The following NPHS2 variants were observed in gnomAD, a reference collection of about 807,000 sequenced individuals.
The protein encoded by NPHS2 is podocin.
In NPHS2, 36 loss-of-function variants were observed where a neutral mutation model predicts 37.1. The ratio of observed to expected loss-of-function variants is 0.97; its 90% CI spans 0.74 to 1.28. The LOEUF is 1.28. Ranked by LOEUF, NPHS2 falls within the 50% of genes most tolerant of loss-of-function variation. The probability of loss-of-function intolerance (pLI) is 0.00; values close to 1 mark genes in which losing one functional copy is unlikely to be tolerated. For synonymous variants in NPHS2, 196 were observed against 189.3 expected, an observed-to-expected ratio of 1.04 and a Z score of -0.29; for missense variants, 447 against 488.1, an observed-to-expected ratio of 0.92 and a Z score of 0.79.
rs1673931037 is a variant in NPHS2 at position 179,556,426 on chromosome 1, G to A, written c.738+601C>T. Among the ~76,000 whole-genome samples, 1 of 152,166 alleles carries A rather than the reference G, an allele frequency of 6.6e-6. No individual in the cohort carries two copies. On this transcript the variant is annotated intron_variant, in intron 5 of 7. Coordinates refer to ENST00000367615, the MANE Select transcript of NPHS2 (RefSeq NM_014625.4). This position sits in a 1 kb window ranked among gnomAD's most constrained non-coding sequence, Gnocchi z 4.1. ...TGCCTTGGTAAGAATCAAAGCCACC[G>A]ACCCTGGCCGTGAATGAGCTTGCTG...
intron 1 of NPHS2, among the ~76,000 whole-genome samples, chr1:179,569,692 T>C (rs1014535215): frequency 6.6e-6 from 1 of 152,216 alleles, no homozygotes; most frequent in Non-Finnish European, 1.5e-5. Flanking sequence ...GTTGTTTCTT[T>C]CCATGTTTAG....
At chr1:179,575,377 A>G (rs1358795726) in intron 1 of NPHS2, among the ~76,000 whole-genome samples, 1 of 152,072 alleles carries the variant, frequency 6.6e-6, no homozygotes, top group Non-Finnish European at 1.5e-5. Flanking sequence ...CCCCGAGACC[A>G]GTATATAGTG....
chr1:179,575,478 C>A, intron 1 of NPHS2, 113 bp downstream of exon 1: 1 of 1,435,388 alleles, frequency 7.0e-7, no homozygotes, highest in Non-Finnish European at 9.6e-7. Flanking sequence ...ACCTGAGCAT[C>A]CAGCAATCTG....
intron 5 of NPHS2, 64 bp from the exon 6 acceptor site, chr1:179,554,595 C>G (rs1243523076): frequency 5.6e-6 from 9 of 1,606,552 alleles, no homozygotes; most frequent in Non-Finnish European, 6.8e-6. Context: ...ATGCCTAAAC[C>G]CTGGTGGCCA....
chr1:179,568,227 C>T (rs1178568200), intron 1 of NPHS2, among the ~76,000 whole-genome samples: 2 of 152,178 alleles, frequency 1.3e-5, no homozygotes, highest in Admixed American at 6.5e-5. Context: ...GCCTCAATTT[C>T]AGAGCCTGTT....
intron 1 of NPHS2, among the ~76,000 whole-genome samples, chr1:179,567,053 T>C (rs1674361774): frequency 6.6e-6 from 1 of 152,200 alleles, no homozygotes; most frequent in Non-Finnish European, 1.5e-5. Flanking sequence ...TGTGGGCTCT[T>C]TTTTTGGTTC....
rs1334989339 is a variant in NPHS2 at position 179,575,675 on chromosome 1, C to T, written c.190G>A (p.Val64Met). 6.2e-7 allele frequency: 1 copy of T among 1,601,280 alleles called. No homozygotes were observed. ...CCTCGGACCTCATCCACGTCCACCA[C>T]CGTGGCGGCGGGCGCTCGGGGCTCC... ...PGEPRAPAAT[V>M]VDVDEVRGSG... The change falls in exon 1 of 8, where the codon GTG becomes ATG. Residue 64 changes from valine to methionine, a missense_variant. Transcript: ENST00000367615.
At chr1:179,554,863 T>G (rs2125781601) in intron 5 of NPHS2, 1 of 357,974 alleles carries the variant, frequency 2.8e-6, no homozygotes, top group African/African-American at 2.0e-5. Context: ...GATGGGGATA[T>G]TATCCTGGAT....
intron 1 of NPHS2, among the ~76,000 whole-genome samples, chr1:179,568,434 T>C (rs1674419360): frequency 6.6e-6 from 1 of 152,208 alleles, no homozygotes; most frequent in African/African-American, 2.4e-5. Context: ...TCTATTTGAA[T>C]CTACTCTCTT....
chr1:179,552,674 C>T lies in NPHS2; in HGVS notation c.802G>A (p.Val268Met), dbSNP rs1673475731. ...TGCTGAAGCCCAGCTGGCAACCTCA[C>T]ATCTTTACTGAAAAAGAAAGAATGC... ...IKVERIEIKD[V>M]RLPAGLQHSL... The change falls in exon 7 of 8, where the codon GTG becomes ATG. Residue 268 changes from valine to methionine, a missense_variant. Val to Met is a conservative substitution (Grantham distance 21). Coordinates refer to ENST00000367615, the MANE Select transcript of NPHS2 (RefSeq NM_014625.4). The T allele has an allele frequency of 1.9e-6, 3 of 1,613,802 alleles. No homozygotes were observed. The highest frequency in any genetic ancestry group is 2.5e-6 in the Non-Finnish European group (3 of 1,179,776).
intron 6 of NPHS2, among the ~76,000 whole-genome samples, 194 bp from the exon 7 acceptor site, chr1:179,552,875 T>A (rs1673524960): frequency 6.6e-6 from 1 of 152,212 alleles, no homozygotes; most frequent in South Asian, 2.1e-4. Context: ...AAATGCAGTT[T>A]TGTATTATTG....
At position 179,551,094 on chromosome 1, in the gene NPHS2, A is replaced by AT; in HGVS notation, c.*78dup. 1.9e-6 allele frequency: 3 copies of AT among 1,574,510 alleles called. No homozygotes were observed. The highest frequency in any genetic ancestry group is 1.7e-5 in the Admixed American group (1 of 59,794). On this transcript the variant is annotated 3_prime_UTR_variant, in exon 8 of 8. Transcript: ENST00000367615. ...ATGGCAACCAAAGGAAGGGCAGGGA[A>AT]TGAGGACAGAGTGTCTCCCTCAGGC...
In NPHS2 at chr1:179,557,102, A is replaced by T. The variant is rs1410757200; in HGVS notation, c.663T>A (p.Thr221=). The change falls in exon 5 of 8, where the codon ACT becomes ACA. Residue 221 remains threonine, a synonymous_variant. Coordinates refer to ENST00000367615, the MANE Select transcript of NPHS2 (RefSeq NM_014625.4). ...ATCGATGTGCTAGGAGACGCTTCAT[A>T]GTGGTTTGCACAAGGAATTGCACAG... ...SKAVQFLVQT[T]MKRLLAHRSL... is the part of the protein sequence containing the mutation. The T allele has an allele frequency of 3.7e-6, 6 of 1,614,004 alleles. No individual in the cohort carries two copies. In the African/African-American group the frequency reaches 8.0e-5, roughly 22 times the overall value.
chr1:179,575,227 C>T (rs1674710393), intron 1 of NPHS2, among the ~76,000 whole-genome samples: 2 of 152,162 alleles, frequency 1.3e-5, no homozygotes, highest in Non-Finnish European at 2.9e-5. Context: ...CCTACAGCCA[C>T]CAGCTCGTGC....
chr1:179,564,877 A>T, intron 1 of NPHS2, 84 bp from the exon 2 acceptor site: 1 of 1,127,298 alleles, frequency 8.9e-7, no homozygotes, highest in South Asian at 1.3e-5. Context: ...AATTCTTGGT[A>T]TTGGAGTTGG....
At chr1:179,567,965 T>C (rs945297999) in intron 1 of NPHS2, among the ~76,000 whole-genome samples, 1 of 152,230 alleles carries the variant, frequency 6.6e-6, no homozygotes, top group Non-Finnish European at 1.5e-5. Flanking sequence ...CAGTATTTTA[T>C]TGAGGATTTT....
intron 7 of NPHS2, 84 bp from the exon 8 acceptor site, chr1:179,551,535 G>A: frequency 4.0e-6 from 6 of 1,506,942 alleles, no homozygotes; most frequent in Non-Finnish European, 5.5e-6. Context: ...CAGCAGACAA[G>A]CACTGAGCAT....
chr1:179,566,338 A>G (rs534634489), intron 1 of NPHS2, among the ~76,000 whole-genome samples: 3 of 152,198 alleles, frequency 2.0e-5, no homozygotes, highest in South Asian at 4.1e-4. Context: ...GTATTTTTTC[A>G]TGTGTCTGTT....
chr1:179,572,831 C>A (rs1279872451), intron 1 of NPHS2, among the ~76,000 whole-genome samples: 2 of 149,816 alleles, frequency 1.3e-5, no homozygotes, highest in Non-Finnish European at 1.5e-5. Context: ...TTTCTTTCAT[C>A]TTTCCTTCTT....
Sources: allele counts gnomAD v4.1 joint callset (sites outside exome capture counted in the v4.1 genomes callset), GRCh38; gene constraint gnomAD v4.1.1; non-coding constraint Gnocchi (gnomAD v3.1); transcripts MANE v1.5; gene names NCBI Gene and HGNC (gene_info 2026-07-23, HGNC 2026-07-21).